BCAT1: variants seen among roughly 807,000 people sequenced by gnomAD.
BCAT1 encodes the protein branched chain amino acid transaminase 1, also known as branched-chain-amino-acid aminotransferase, cytosolic.
A neutral mutation model predicts 52.4 loss-of-function variants in BCAT1; 48 were observed. The ratio of observed to expected loss-of-function variants is 0.92; its 90% confidence interval spans 0.73 to 1.16. BCAT1 has a LOEUF of 1.16. Among genes scored for constraint, BCAT1 ranks in the 50% most tolerant of loss-of-function variants. The pLI, the probability that BCAT1 is intolerant of heterozygous loss-of-function variation, is 0.00. For missense variants in BCAT1, 451 were observed against 457.1 expected (o/e 0.99, Z 0.12); for synonymous variants, 167 against 161.3 (o/e 1.04, Z -0.27).
At chr12:24,837,535 T>C (rs970402067) in intron 7 of BCAT1, among the ~76,000 whole-genome samples, 4 of 149,662 alleles carry the variant, frequency 2.7e-5, no homozygotes, top group African/African-American at 9.9e-5. Context: ...CAAGTGATTC[T>C]CCTGCCTCAG....
At chr12:24,824,775 A>G (rs1940314582) in intron 10 of BCAT1, among the ~76,000 whole-genome samples, 1 of 152,182 alleles carries the variant, frequency 6.6e-6, no homozygotes, top group Non-Finnish European at 1.5e-5. Context: ...AAAAATTTCT[A>G]AACTCCTGAT....
At chr12:24,832,085 T>C (rs1469993847) in intron 9 of BCAT1, among the ~76,000 whole-genome samples, 1 of 152,220 alleles carries the variant, frequency 6.6e-6, no homozygotes, top group African/African-American at 2.4e-5. Flanking sequence ...GAATGCATTT[T>C]CCATAACTAT....
At chr12:24,944,522 G>A (rs1238901916) in intron 1 of BCAT1, among the ~76,000 whole-genome samples, 5 of 152,178 alleles carry the variant, frequency 3.3e-5, no homozygotes, top group East Asian at 1.9e-4. Context: ...TGCTCCTTCC[G>A]TCTCAACTTC....
At chr12:24,903,136 G>T in intron 1 of BCAT1, 1 of 1,315,856 alleles carries the variant, frequency 7.6e-7, no homozygotes, top group South Asian at 2.1e-5. Context: ...CCAGGGCCAG[G>T]CGCAGGGTAC....
At chr12:24,833,166 T>C (rs1234579664) in intron 8 of BCAT1, among the ~76,000 whole-genome samples, 1 of 152,204 alleles carries the variant, frequency 6.6e-6, no homozygotes, top group African/African-American at 2.4e-5. Context: ...TTTGTTAACT[T>C]GTATAAAGTC....
intron 10 of BCAT1, among the ~76,000 whole-genome samples, chr12:24,822,148 AC>A (rs1180716558): frequency 6.6e-6 from 1 of 152,230 alleles, no homozygotes; most frequent in Admixed American, 6.5e-5. Context: ...ATAAACACAG[AC>A]GTGCTTTTCT....
At chr12:24,855,790 T>C (rs1941661366) in intron 5 of BCAT1, among the ~76,000 whole-genome samples, 1 of 152,064 alleles carries the variant, frequency 6.6e-6, no homozygotes, top group African/African-American at 2.4e-5. Flanking sequence ...TCTTTTTCTT[T>C]TTTTCTTTTT....
intron 6 of BCAT1, among the ~76,000 whole-genome samples, chr12:24,848,265 A>G (rs2139457962): frequency 6.6e-6 from 1 of 152,346 alleles, no homozygotes; most frequent in Non-Finnish European, 1.5e-5. Flanking sequence ...AAAAGGTAAC[A>G]GAATTCCCCT....
chr12:24,876,275 A>AAAG (rs1555109538), intron 5 of BCAT1, among the ~76,000 whole-genome samples: 4 of 150,734 alleles, frequency 2.7e-5, no homozygotes, highest in African/African-American at 9.7e-5. Flanking sequence ...AAAAAAAAAA[A>AAAG]AAAGAAAGAA....
intron 6 of BCAT1, 109 bp from the exon 7 acceptor site, chr12:24,842,333 G>T: frequency 8.2e-7 from 1 of 1,221,180 alleles, no homozygotes; most frequent in Non-Finnish European, 1.2e-6. Context: ...ACATAGTGAA[G>T]GTATTATGTT....
chr12:24,869,008 A>G (rs1591823785), intron 5 of BCAT1, among the ~76,000 whole-genome samples: 2 of 152,258 alleles, frequency 1.3e-5, no homozygotes, highest in East Asian at 3.8e-4. Context: ...AAAGACTTGC[A>G]AAGGCACTTC....
chr12:24,872,443 G>A (rs2139566201), intron 5 of BCAT1, among the ~76,000 whole-genome samples: 1 of 152,192 alleles, frequency 6.6e-6, no homozygotes, highest in East Asian at 1.9e-4. Flanking sequence ...TTGCAAATGG[G>A]GAAACTGCTT....
Position 24,818,141 on chromosome 12 carries a change from A to G in BCAT1, c.1120-92T>C, listed in dbSNP as rs1017539556. 4.7e-6 allele frequency: 6 copies of G among 1,282,838 alleles called. No homozygotes were observed. The Admixed American group carries it at 5.5e-5, about 12-fold the overall frequency. 79.5% of individuals were successfully genotyped at this position (1,282,838 alleles called of 1,614,324 possible). ...AACTTAATACCGCCAAGGTTACACAAAAGGTTCGCTTCTGCTTTGAACAAC... is the reference window on the plus strand; with the variant it reads ...AACTTAATACCGCCAAGGTTACACAGAAGGTTCGCTTCTGCTTTGAACAAC... On this transcript the variant is annotated intron_variant, in intron 10 of 10. Coordinates refer to ENST00000261192, the MANE Select transcript of BCAT1 (RefSeq NM_005504.7).
chr12:24,892,609 T>C (rs963330294), intron 3 of BCAT1, among the ~76,000 whole-genome samples: 1 of 152,134 alleles, frequency 6.6e-6, no homozygotes, highest in Non-Finnish European at 1.5e-5. Context: ...TCCCAGCACT[T>C]GAAGAAGCCA....
At chr12:24,824,141 A>G (rs928080356) in intron 10 of BCAT1, among the ~76,000 whole-genome samples, 13 of 152,106 alleles carry the variant, frequency 8.5e-5, no homozygotes, top group Non-Finnish European at 1.6e-4. Context: ...AGATCTTTAT[A>G]CCAATTCAAT....
chr12:24,898,835 C>T (rs952548698), intron 2 of BCAT1, among the ~76,000 whole-genome samples: 2 of 152,074 alleles, frequency 1.3e-5, no homozygotes, highest in African/African-American at 4.8e-5. Flanking sequence ...CTTTTGCTCA[C>T]CATCGTATAG....
intron 4 of BCAT1, among the ~76,000 whole-genome samples, chr12:24,880,432 G>T (rs868860122): frequency 2.6e-5 from 4 of 152,260 alleles, no homozygotes; most frequent in Middle Eastern, 3.4e-3. Flanking sequence ...ACTATAGCTT[G>T]GGTGACAGAG....
intron 2 of BCAT1, among the ~76,000 whole-genome samples, chr12:24,895,746 T>C (rs1942946214): frequency 6.6e-6 from 1 of 152,210 alleles, no homozygotes; most frequent in Non-Finnish European, 1.5e-5. Context: ...ATCATTATTT[T>C]TAAAATGATC....
chr12:24,892,059 T>TTTTGTTTTG (rs1555112460), intron 3 of BCAT1, among the ~76,000 whole-genome samples: 48 of 144,560 alleles, frequency 3.3e-4, no homozygotes, highest in African/African-American at 1.1e-3. Context: ...GCCTGGCCGT[T>TTTTGTTTTG]TTTTGTTTTG....
Sources: allele counts gnomAD v4.1 joint callset (sites outside exome capture counted in the v4.1 genomes callset), GRCh38; gene constraint gnomAD v4.1.1; transcripts MANE v1.5; gene names NCBI Gene and HGNC (gene_info 2026-07-23, HGNC 2026-07-21).